LRMDA: variants seen among roughly 807,000 people sequenced by gnomAD.
LRMDA encodes the protein leucine rich melanocyte differentiation associated, also known as leucine-rich melanocyte differentiation-associated protein.
Under a neutral mutation model 29.8 loss-of-function variants are expected in LRMDA, and 18 were observed. The observed-to-expected ratio is 0.60, with a 90% CI of 0.42 to 0.90. The LOEUF is 0.90. Ranked by LOEUF, LRMDA falls within the 40% of genes least tolerant of loss-of-function variation. The probability of loss-of-function intolerance (pLI) is 0.00; values close to 1 mark genes in which losing one functional copy is unlikely to be tolerated. For missense variants in LRMDA, 273 were observed against 273.9 expected, an observed-to-expected ratio of 1.00 and a Z score of 0.02; for synonymous variants, 125 against 109.4, an observed-to-expected ratio of 1.14 and a Z score of -0.89.
chr10:75,475,257 G>A (rs952121065), intron 2 of LRMDA, among the ~76,000 whole-genome samples: 1 of 152,140 alleles, frequency 6.6e-6, no homozygotes, highest in Non-Finnish European at 1.5e-5. Flanking sequence ...GGTTTCCTGG[G>A]GAGATGGTCC....
intron 5 of LRMDA, among the ~76,000 whole-genome samples, chr10:76,113,473 G>A (rs1194918888): frequency 6.6e-6 from 1 of 151,948 alleles, no homozygotes; most frequent in Non-Finnish European, 1.5e-5. Context: ...AAGATGAGGG[G>A]GGAAAAAACC....
At chr10:76,464,255 T>C (rs991898104) in intron 6 of LRMDA, among the ~76,000 whole-genome samples, 1 of 152,120 alleles carries the variant, frequency 6.6e-6, no homozygotes, top group Non-Finnish European at 1.5e-5. Flanking sequence ...AGGAATTGAC[T>C]CTGGGCTAAG....
chr10:75,845,387 C>A (rs550587638), intron 2 of LRMDA, among the ~76,000 whole-genome samples: 7 of 152,288 alleles, frequency 4.6e-5, no homozygotes, highest in Non-Finnish European at 7.4e-5. Flanking sequence ...CTGAATGGAT[C>A]ATTTAACTGG....
Position 76,450,508 on chromosome 10 carries a change from C to A in LRMDA, c.602-106701C>A, listed in dbSNP as rs188235614. Among the ~76,000 whole-genome samples, 185 of 152,220 alleles carry A rather than the reference C, an allele frequency of 1.2e-3. 2 individuals are homozygous for A. The highest frequency in any genetic ancestry group is 2.0e-3 in the Non-Finnish European group (134 of 67,966). Reference sequence around the variant, plus strand: ...CATATAAAACTTATAAAGTCTTTCTCTGGGGCAATTTCTATTTTATTAATT... The same window carrying A: ...CATATAAAACTTATAAAGTCTTTCTATGGGGCAATTTCTATTTTATTAATT... On this transcript the variant is annotated intron_variant, in intron 6 of 6. Coordinates refer to ENST00000611255, the MANE Select transcript of LRMDA (RefSeq NM_001305581.2).
At chr10:75,460,590 TATAAG>T (rs147642361) in intron 2 of LRMDA, among the ~76,000 whole-genome samples, 1,701 of 152,252 alleles carry the variant, frequency 0.011, 42 homozygotes, top group African/African-American at 0.039. Context: ...ATTTTTTGAT[TATAAG>T]ATAATATTCC....
At chr10:76,479,128 T>TA (rs1333527055) in intron 6 of LRMDA, among the ~76,000 whole-genome samples, 1 of 151,788 alleles carries the variant, frequency 6.6e-6, no homozygotes, top group South Asian at 2.1e-4. Flanking sequence ...GGTTTCATAA[T>TA]AAAAAAAGAC....
chr10:76,130,013 G>A (rs1030899896), intron 5 of LRMDA, among the ~76,000 whole-genome samples: 4 of 151,936 alleles, frequency 2.6e-5, no homozygotes, highest in African/African-American at 9.7e-5. Context: ...AATAAATGAG[G>A]TTTTCTTTTG....
intron 2 of LRMDA, among the ~76,000 whole-genome samples, chr10:75,712,246 C>T (rs183593066): frequency 2.8e-4 from 42 of 152,270 alleles, no homozygotes; most frequent in African/African-American, 9.9e-4. Flanking sequence ...CCCCGCCCCC[C>T]TTGTTTCTCC....
At chr10:76,336,695 AT>A (rs1030675743) in intron 6 of LRMDA, among the ~76,000 whole-genome samples, 3 of 152,176 alleles carry the variant, frequency 2.0e-5, no homozygotes, top group East Asian at 3.9e-4. Context: ...GGAAAAAAAA[AT>A]ATCCTGTGTT....
chr10:76,192,718 G>A (rs1564680829), intron 5 of LRMDA, among the ~76,000 whole-genome samples: 1 of 152,136 alleles, frequency 6.6e-6, no homozygotes, highest in Non-Finnish European at 1.5e-5. Flanking sequence ...AAATTTTTTA[G>A]AAATCTTTCC....
chr10:76,162,565 G>A (rs2132180461), intron 5 of LRMDA, among the ~76,000 whole-genome samples: 1 of 152,300 alleles, frequency 6.6e-6, no homozygotes, highest in East Asian at 1.9e-4. Context: ...AAGGGGAGCA[G>A]GTGGATAGTG....
chr10:76,479,333 A>G (rs980851911), intron 6 of LRMDA, among the ~76,000 whole-genome samples: 1 of 151,862 alleles, frequency 6.6e-6, no homozygotes, highest in Admixed American at 6.6e-5. Context: ...ACAGTGACCA[A>G]AGAGGGCTCC....
chr10:76,434,157 C>CTTTG, intron 6 of LRMDA, among the ~76,000 whole-genome samples: 1 of 151,978 alleles, frequency 6.6e-6, no homozygotes, highest in Middle Eastern at 3.4e-3. Flanking sequence ...TTCTTTCTTT[C>CTTTG]TTTTTTGTAT....
intron 2 of LRMDA, among the ~76,000 whole-genome samples, chr10:76,024,317 C>T (rs1228016024): frequency 2.0e-5 from 3 of 152,198 alleles, no homozygotes; most frequent in Non-Finnish European, 2.9e-5. Context: ...CAGTTGATCT[C>T]GTCTCTGTCC....
intron 2 of LRMDA, among the ~76,000 whole-genome samples, chr10:75,819,171 A>G (rs1469671792): frequency 6.6e-6 from 1 of 152,224 alleles, no homozygotes; most frequent in Non-Finnish European, 1.5e-5. Context: ...CCCTCCTCCC[A>G]TCTACTAAAC....
chr10:75,794,400 T>C (rs1158831426), intron 2 of LRMDA, among the ~76,000 whole-genome samples: 2 of 152,186 alleles, frequency 1.3e-5, no homozygotes, highest in East Asian at 1.9e-4. Flanking sequence ...TGAGCATTCA[T>C]GTGAAAATCT....
chr10:76,547,523 C>A (rs1843436051), intron 6 of LRMDA, among the ~76,000 whole-genome samples: 1 of 150,800 alleles, frequency 6.6e-6, no homozygotes, highest in Non-Finnish European at 1.5e-5. Flanking sequence ...TTATTTTAAG[C>A]AAGCGGCTGC....
At chr10:75,670,242 C>T (rs1031025730) in intron 2 of LRMDA, among the ~76,000 whole-genome samples, 1 of 152,192 alleles carries the variant, frequency 6.6e-6, no homozygotes, top group African/African-American at 2.4e-5. Context: ...AAATGAATAA[C>T]TTGCAATGTA....
chr10:76,432,068 C>T (rs1842196742), intron 6 of LRMDA, among the ~76,000 whole-genome samples: 1 of 152,154 alleles, frequency 6.6e-6, no homozygotes, highest in African/African-American at 2.4e-5. Flanking sequence ...AATACAGATC[C>T]TAAATATAGC....
Sources: gnomAD v4.1 joint callset for allele counts (sites outside exome capture counted in the v4.1 genomes callset) on GRCh38, gnomAD v4.1.1 for gene constraint, MANE v1.5 for transcripts, NCBI Gene and HGNC (gene_info 2026-07-23, HGNC 2026-07-21) for gene names.